Variants in CSMD1 observed in about 807,000 individuals in gnomAD.
The protein encoded by CSMD1 is CUB and sushi domain-containing protein 1.
In CSMD1, 213 loss-of-function variants were observed where a neutral mutation model predicts 417.5. That is an observed-to-expected ratio of 0.51 (90% confidence interval 0.46 to 0.57). The LOEUF is 0.57. Ranked by LOEUF, CSMD1 falls within the 20% of genes least tolerant of loss-of-function variation. The pLI is 0.00. For synonymous variants in CSMD1, 2,862 were observed against 1,736.8 expected (o/e 1.65, Z -16.11); for missense variants, 6,923 against 4,529.7 (o/e 1.53, Z -15.17).
intron 1 of CSMD1, among the ~76,000 whole-genome samples, chr8:4,838,828 T>C (rs796738019): frequency 2.5e-4 from 38 of 152,334 alleles, no homozygotes; most frequent in African/African-American, 8.4e-4. Context: ...TGCTTCCATG[T>C]GAATGTGACA....
At chr8:3,436,864 G>C (rs1814599361) in intron 12 of CSMD1, among the ~76,000 whole-genome samples, 2 of 152,080 alleles carry the variant, frequency 1.3e-5, no homozygotes, top group Non-Finnish European at 2.9e-5. Context: ...GGGATTATTA[G>C]AGATGAAAAC....
intron 1 of CSMD1, among the ~76,000 whole-genome samples, chr8:4,913,118 G>A (rs1805811423): frequency 6.6e-6 from 1 of 152,060 alleles, no homozygotes; most frequent in African/African-American, 2.4e-5. Flanking sequence ...AAAATCGTGA[G>A]GGATCACAGA....
intron 3 of CSMD1, among the ~76,000 whole-genome samples, chr8:4,155,372 T>G (rs563370685): frequency 1.3e-5 from 2 of 152,310 alleles, no homozygotes; most frequent in South Asian, 4.1e-4. Context: ...CTGCTTCTAA[T>G]GCTCTGCTGT....
intron 5 of CSMD1, among the ~76,000 whole-genome samples, chr8:3,755,797 T>C (rs992140049): frequency 3.9e-5 from 6 of 152,266 alleles, no homozygotes; most frequent in African/African-American, 1.4e-4. Context: ...TTTATGCCAC[T>C]GTTTGAAATA....
chr8:3,260,684 C>G (rs1317861066), intron 26 of CSMD1, among the ~76,000 whole-genome samples: 1 of 151,944 alleles, frequency 6.6e-6, no homozygotes, highest in Non-Finnish European at 1.5e-5. Flanking sequence ...ATACGTGGTT[C>G]TTGAGTATTA....
At chr8:4,719,907 C>G (rs1377751694) in intron 1 of CSMD1, among the ~76,000 whole-genome samples, 1 of 152,074 alleles carries the variant, frequency 6.6e-6, no homozygotes, top group Non-Finnish European at 1.5e-5. Flanking sequence ...TTCGACCTCA[C>G]TTTTTATTGA....
At chr8:3,777,121 TACACACAC>T (rs3028584) in intron 5 of CSMD1, among the ~76,000 whole-genome samples, 46,031 of 146,248 alleles carry the variant, frequency 0.31, 7,247 homozygotes, top group Admixed American at 0.36. Context: ...TATCTATACC[TACACACAC>T]ACACACACAC....
intron 5 of CSMD1, among the ~76,000 whole-genome samples, chr8:3,877,146 A>G (rs150033395): frequency 2.6e-5 from 4 of 152,162 alleles, no homozygotes; most frequent in African/African-American, 7.2e-5. Context: ...CACTTTCCCC[A>G]TCCCTTCCTC....
intron 1 of CSMD1, among the ~76,000 whole-genome samples, chr8:4,677,105 C>T (rs2130964413): frequency 6.9e-6 from 1 of 145,282 alleles, no homozygotes; most frequent in East Asian, 2.0e-4. Context: ...TAATATCTAT[C>T]ATATATACAT....
At chr8:4,294,308 T>G (rs1797544729) in intron 3 of CSMD1, among the ~76,000 whole-genome samples, 1 of 152,182 alleles carries the variant, frequency 6.6e-6, no homozygotes, top group African/African-American at 2.4e-5. Flanking sequence ...ATCCTTTTAA[T>G]AAATAATACG....
Position 4,517,870 on chromosome 8 carries a change from T to C in CSMD1, c.303-97805A>G, listed in dbSNP as rs146399783. Among the ~76,000 whole-genome samples the C allele has an allele frequency of 1.7e-3, 263 of 152,292 alleles. 1 individual carries two copies. The highest frequency in any genetic ancestry group is 6.1e-3 in the African/African-American group (253 of 41,564). On this transcript the variant is annotated intron_variant, in intron 2 of 69. Transcript: ENST00000635120. ...TGCAAAAGCCACACGTATTTTGTAG[T>C]TGATAAGATTTGCATTTGAGTAGGG...
intron 18 of CSMD1, among the ~76,000 whole-genome samples, chr8:3,374,957 G>A (rs1810212467): frequency 6.6e-6 from 1 of 152,146 alleles, no homozygotes; most frequent in South Asian, 2.1e-4. Context: ...GAGGAGGGCG[G>A]CAGTTGAAGC....
intron 3 of CSMD1, among the ~76,000 whole-genome samples, chr8:4,116,467 C>A (rs1563143830): frequency 7.5e-6 from 1 of 133,754 alleles, no homozygotes; most frequent in East Asian, 2.2e-4. Context: ...ATGGAACAAA[C>A]GCGCCATGAA....
intron 5 of CSMD1, among the ~76,000 whole-genome samples, chr8:3,950,274 A>C (rs1218783868): frequency 6.6e-6 from 1 of 152,198 alleles, no homozygotes; most frequent in Non-Finnish European, 1.5e-5. Context: ...CTTAAACACA[A>C]ATTATCAAAA....
intron 3 of CSMD1, among the ~76,000 whole-genome samples, chr8:4,045,360 G>A (rs1263943324): frequency 6.6e-6 from 1 of 152,262 alleles, no homozygotes; most frequent in East Asian, 1.9e-4. Flanking sequence ...CAGACGAACG[G>A]TTTCAAGGAC....
intron 5 of CSMD1, among the ~76,000 whole-genome samples, chr8:3,765,481 T>G (rs947757450): frequency 5.9e-5 from 9 of 152,352 alleles, no homozygotes; most frequent in Middle Eastern, 3.4e-3. Flanking sequence ...ACCTCACCTC[T>G]GCACTCTGAG....
intron 1 of CSMD1, among the ~76,000 whole-genome samples, chr8:4,757,281 A>T (rs978614184): frequency 1.3e-5 from 2 of 152,220 alleles, no homozygotes; most frequent in Admixed American, 6.5e-5. Flanking sequence ...ATGATAATGG[A>T]AATAAAAGAT....
At chr8:4,658,385 T>C (rs774504830) in intron 1 of CSMD1, among the ~76,000 whole-genome samples, 1 of 152,002 alleles carries the variant, frequency 6.6e-6, no homozygotes, top group Non-Finnish European at 1.5e-5. Flanking sequence ...AACAGATCCT[T>C]AGAAAGAGCA....
chr8:3,775,796 T>C (rs953129535), intron 5 of CSMD1, among the ~76,000 whole-genome samples: 4 of 152,232 alleles, frequency 2.6e-5, no homozygotes, highest in African/African-American at 9.6e-5. Context: ...CATTGCTGGG[T>C]GCTGATGTCA....
Sources: allele counts gnomAD v4.1 joint callset (sites outside exome capture counted in the v4.1 genomes callset), GRCh38; gene constraint gnomAD v4.1.1; transcripts MANE v1.5; gene names NCBI Gene and HGNC (gene_info 2026-07-23, HGNC 2026-07-21).